Variants in LRMDA observed in about 807,000 individuals in gnomAD.
LRMDA encodes leucine rich melanocyte differentiation associated.
Under a neutral mutation model 29.8 loss-of-function variants are expected in LRMDA, and 18 were observed. That is an observed-to-expected ratio of 0.60 (90% confidence interval 0.42 to 0.90). The LOEUF is 0.90. LRMDA is among the 40% of genes least tolerant of loss of function. The pLI is 0.00. For synonymous variants in LRMDA, 125 were observed against 109.4 expected (o/e 1.14, Z -0.89); for missense variants, 273 against 273.9 (o/e 1.00, Z 0.02).
intron 2 of LRMDA, among the ~76,000 whole-genome samples, chr10:75,794,212 G>A (rs562890038): frequency 6.6e-6 from 1 of 152,278 alleles, no homozygotes; most frequent in Non-Finnish European, 1.5e-5. Flanking sequence ...CAGATCTTAT[G>A]TGTGTTATTC....
At chr10:76,477,125 A>T (rs1306079006) in intron 6 of LRMDA, among the ~76,000 whole-genome samples, 2 of 152,176 alleles carry the variant, frequency 1.3e-5, no homozygotes, top group Non-Finnish European at 2.9e-5. Context: ...CTGTTTGCAG[A>T]TGACATCATT....
chr10:75,821,430 T>C (rs1844155900), intron 2 of LRMDA, among the ~76,000 whole-genome samples: 2 of 152,188 alleles, frequency 1.3e-5, no homozygotes, highest in Admixed American at 1.3e-4. Context: ...ATCATATCAA[T>C]AGATGCAGAA....
chr10:76,401,976 C>T (rs1189280276), intron 6 of LRMDA, among the ~76,000 whole-genome samples: 1 of 152,034 alleles, frequency 6.6e-6, no homozygotes, highest in Non-Finnish European at 1.5e-5. Context: ...CAGCAAACAA[C>T]AGACAATAAA....
At chr10:75,652,312 C>G (rs1841609930) in intron 2 of LRMDA, among the ~76,000 whole-genome samples, 1 of 152,180 alleles carries the variant, frequency 6.6e-6, no homozygotes, top group Non-Finnish European at 1.5e-5. Context: ...GCAAAATGCT[C>G]AATCCTTAGT....
intron 2 of LRMDA, among the ~76,000 whole-genome samples, chr10:75,598,565 GCT>G (rs1840833552): frequency 2.0e-5 from 3 of 151,742 alleles, no homozygotes; most frequent in Admixed American, 2.0e-4. Flanking sequence ...TCAGGAAAAT[GCT>G]CTGTTACTAC....
intron 2 of LRMDA, among the ~76,000 whole-genome samples, chr10:76,005,892 T>G (rs1847643815): frequency 6.6e-6 from 1 of 151,914 alleles, no homozygotes; most frequent in Non-Finnish European, 1.5e-5. Context: ...ATGGTGCCAC[T>G]GCACTCCAGC....
At chr10:76,018,619 G>C (rs1204910253) in intron 2 of LRMDA, among the ~76,000 whole-genome samples, 1 of 149,550 alleles carries the variant, frequency 6.7e-6, no homozygotes, top group Admixed American at 6.7e-5. Context: ...CCAGGCTGGA[G>C]TGCAGTGGTT....
At chr10:75,692,916 A>T (rs1013748254) in intron 2 of LRMDA, among the ~76,000 whole-genome samples, 2 of 152,084 alleles carry the variant, frequency 1.3e-5, no homozygotes, top group African/African-American at 4.8e-5. Context: ...ATGGCTTGGG[A>T]TCATCTGCTT....
At chr10:75,950,170 C>T (rs1029626588) in intron 2 of LRMDA, among the ~76,000 whole-genome samples, 2 of 152,218 alleles carry the variant, frequency 1.3e-5, no homozygotes, top group Admixed American at 6.5e-5. Flanking sequence ...TCATTGCTCA[C>T]ATCTGTCCAG....
At chr10:76,408,300 A>G (rs1353567511) in intron 6 of LRMDA, among the ~76,000 whole-genome samples, 1 of 152,224 alleles carries the variant, frequency 6.6e-6, no homozygotes, top group African/African-American at 2.4e-5. Context: ...GAGCCCAAGT[A>G]GAACTAGACA....
At chr10:76,300,781 C>G (rs1169793364) in intron 5 of LRMDA, among the ~76,000 whole-genome samples, 1 of 152,208 alleles carries the variant, frequency 6.6e-6, no homozygotes, top group African/African-American at 2.4e-5. Flanking sequence ...ACAGCACTTG[C>G]ATCAGGAAGC....
chr10:76,103,315 G>A (rs957678150), intron 5 of LRMDA, among the ~76,000 whole-genome samples: 3 of 152,196 alleles, frequency 2.0e-5, no homozygotes, highest in South Asian at 2.1e-4. Flanking sequence ...TTAACAATAA[G>A]AGCCCTCTTG....
chr10:76,002,850 G>A (rs1847584139), intron 2 of LRMDA, among the ~76,000 whole-genome samples: 1 of 152,208 alleles, frequency 6.6e-6, no homozygotes, highest in Non-Finnish European at 1.5e-5. Flanking sequence ...ACTGCAAAGA[G>A]TGGGCTGAGA....
At chr10:75,632,361 G>A (rs1330857527) in intron 2 of LRMDA, among the ~76,000 whole-genome samples, 1 of 152,170 alleles carries the variant, frequency 6.6e-6, no homozygotes, top group African/African-American at 2.4e-5. Context: ...GGCAGACGAG[G>A]ATGTCTCATC....
intron 6 of LRMDA, among the ~76,000 whole-genome samples, chr10:76,417,281 C>G (rs569185322): frequency 2.0e-5 from 3 of 152,310 alleles, no homozygotes; most frequent in African/African-American, 7.2e-5. Flanking sequence ...ATTAGCATGT[C>G]TTTCAAGTGC....
In LRMDA at chr10:75,458,209, T is replaced by C. The variant is rs547526268; in HGVS notation, c.131+19715T>C. ...GTAGAAGATATACTGAAAGAGTAGA[T>C]ATCCCAAAAGTAGTTTATTTCATTT... On this transcript the variant is annotated intron_variant, in intron 2 of 6. Coordinates refer to ENST00000611255, the MANE Select transcript of LRMDA (RefSeq NM_001305581.2). Among the ~76,000 whole-genome samples the C allele has an allele frequency of 2.2e-3, 331 of 152,376 alleles. 1 individual carries two copies. The highest frequency in any genetic ancestry group is 7.5e-3 in the African/African-American group (311 of 41,580).
At chr10:75,966,477 T>G (rs1009444925) in intron 2 of LRMDA, among the ~76,000 whole-genome samples, 2 of 152,258 alleles carry the variant, frequency 1.3e-5, no homozygotes, top group Non-Finnish European at 2.9e-5. Context: ...AGTCTGCTCC[T>G]TGGTCCTCTA....
At chr10:75,460,685 A>G (rs1844573877) in intron 2 of LRMDA, among the ~76,000 whole-genome samples, 1 of 152,198 alleles carries the variant, frequency 6.6e-6, no homozygotes, top group Non-Finnish European at 1.5e-5. Flanking sequence ...ATTTTTACAA[A>G]ATTGGGATCA....
chr10:76,203,816 CCCATCCACCCATCTCTCCATGTGT>C (rs1564684490), intron 5 of LRMDA, among the ~76,000 whole-genome samples: 7 of 147,468 alleles, frequency 4.7e-5, no homozygotes, highest in Non-Finnish European at 8.9e-5. Flanking sequence ...ATTTCATGTG[CCCATCCACCCATCTCTCCATGTGT>C]CTGTCCACCC....
Sources: allele counts gnomAD v4.1 joint callset (sites outside exome capture counted in the v4.1 genomes callset), GRCh38; gene constraint gnomAD v4.1.1; transcripts MANE v1.5; gene names NCBI Gene and HGNC (gene_info 2026-07-23, HGNC 2026-07-21).